The following TPTE2 variants were observed in gnomAD, a reference collection of about 807,000 sequenced individuals.
TPTE2 encodes the protein transmembrane phosphoinositide 3-phosphatase and tensin homolog 2.
Under a neutral mutation model 78.6 loss-of-function variants are expected in TPTE2, and 53 were observed. The observed-to-expected ratio is 0.67, with a 90% CI of 0.54 to 0.85. The LOEUF (loss-of-function observed/expected upper bound fraction) is 0.85, where lower values mean the gene tolerates loss of function less well. Ranked by LOEUF, TPTE2 falls within the 40% of genes least tolerant of loss-of-function variation. The probability of loss-of-function intolerance (pLI) is 0.00; values close to 1 mark genes in which losing one functional copy is unlikely to be tolerated. For missense variants in TPTE2, 461 were observed against 623.0 expected (o/e 0.74, Z 2.77); for synonymous variants, 175 against 206.2 (o/e 0.85, Z 1.30).
chr13:19,522,858 C>T (rs1870254814), intron 1 of TPTE2, among the ~76,000 whole-genome samples: 1 of 151,942 alleles, frequency 6.6e-6, no homozygotes, highest in Non-Finnish European at 1.5e-5. Context: ...GATCTCCTGA[C>T]CTCATGATCC....
At chr13:19,438,058 T>A in intron 14 of TPTE2, 34 bp downstream of exon 17, 2 of 1,597,500 alleles carry the variant, frequency 1.3e-6, no homozygotes, top group Non-Finnish European at 1.7e-6. Flanking sequence ...AACTCAATCA[T>A]CATAAGAGAA....
chr13:19,527,666 A>G (rs544336137), intron 1 of TPTE2, among the ~76,000 whole-genome samples: 6 of 152,056 alleles, frequency 3.9e-5, no homozygotes, highest in South Asian at 2.1e-4. Flanking sequence ...CTTGAGCTCA[A>G]GAGTTCCAGA....
At chr13:19,555,884 C>G in the TPTE2 span, among the ~76,000 whole-genome samples, 1 of 138,532 alleles carries the variant, frequency 7.2e-6, no homozygotes, top group Non-Finnish European at 1.5e-5. Flanking sequence ...GCAATTTTGG[C>G]TCACTGCAAC....
chr13:19,497,198 T>A lies in TPTE2; in HGVS notation c.12-3697A>T, dbSNP rs1225134566. Among the ~76,000 whole-genome samples, 46 of 150,274 alleles carry A rather than the reference T, an allele frequency of 3.1e-4. 1 individual carries two copies. The South Asian group carries it at 4.1e-3, about 13-fold the overall frequency. Reference sequence around the variant, plus strand: ...CTAGCACAGCAGTCTGAGATCAAACTGCAAGGCGGCAGCGAGGCTGGGGGA... The same window carrying A: ...CTAGCACAGCAGTCTGAGATCAAACAGCAAGGCGGCAGCGAGGCTGGGGGA... On this transcript the variant is annotated intron_variant, in intron 1 of 19. Transcript: ENST00000400230.
intron 1 of TPTE2, among the ~76,000 whole-genome samples, chr13:19,528,412 T>C (rs922994545): frequency 3.3e-5 from 5 of 151,928 alleles, no homozygotes; most frequent in African/African-American, 1.2e-4. Flanking sequence ...CCTATTTATA[T>C]ACTTATTTAC....
At chr13:19,459,114 T>C (rs1878726218) in intron 10 of TPTE2, among the ~76,000 whole-genome samples, 1 of 152,198 alleles carries the variant, frequency 6.6e-6, no homozygotes, top group African/African-American at 2.4e-5. Flanking sequence ...ATAGCCATTC[T>C]GACTGGCATG....
At chr13:19,547,783 G>C in the TPTE2 span, among the ~76,000 whole-genome samples, 16 of 141,970 alleles carry the variant, frequency 1.1e-4, no homozygotes, top group Non-Finnish European at 2.4e-4. Context: ...TCCCATACAA[G>C]TCAAATAAAA....
chr13:19,500,937 A>C, intron 1 of TPTE2, among the ~76,000 whole-genome samples: 1 of 144,428 alleles, frequency 6.9e-6, no homozygotes, highest in Non-Finnish European at 1.5e-5. Flanking sequence ...TAAGCTGATA[A>C]GCAACTTCAG....
intron 3 of TPTE2, among the ~76,000 whole-genome samples, chr13:19,491,958 A>G (rs1373153769): frequency 6.6e-6 from 1 of 152,222 alleles, no homozygotes; most frequent in African/African-American, 2.4e-5. Context: ...CTATTGCTTA[A>G]TGAGCAACTA....
At chr13:19,478,175 T>A (rs1336800161) in intron 4 of TPTE2, among the ~76,000 whole-genome samples, 1 of 152,108 alleles carries the variant, frequency 6.6e-6, no homozygotes, top group Non-Finnish European at 1.5e-5. Context: ...CTAATTAAAC[T>A]AAAGAGCTTC....
At chr13:19,526,403 C>G (rs1870500715) in intron 1 of TPTE2, among the ~76,000 whole-genome samples, 1 of 152,054 alleles carries the variant, frequency 6.6e-6, no homozygotes, top group Non-Finnish European at 1.5e-5. Flanking sequence ...GCCTAAAAGC[C>G]TAAAAGCCTG....
intron 13 of TPTE2, among the ~76,000 whole-genome samples, chr13:19,446,762 G>A (rs1301554405): frequency 2.0e-5 from 3 of 152,228 alleles, no homozygotes; most frequent in Admixed American, 1.3e-4. Flanking sequence ...GCAACACAGT[G>A]AGACCCTGTC....
chr13:19,479,751 C>T (rs1284199637), intron 4 of TPTE2, among the ~76,000 whole-genome samples: 1 of 152,064 alleles, frequency 6.6e-6, no homozygotes. Context: ...ATCATGAGGT[C>T]AAGAGATTGA....
At chr13:19,492,603 G>A (rs1480929683) in intron 3 of TPTE2, among the ~76,000 whole-genome samples, 1 of 152,148 alleles carries the variant, frequency 6.6e-6, no homozygotes, top group Non-Finnish European at 1.5e-5. Flanking sequence ...GCTACAATGA[G>A]AAGAATTGGA....
intron 1 of TPTE2, among the ~76,000 whole-genome samples, chr13:19,517,506 C>A (rs1404492885): frequency 6.6e-6 from 1 of 152,134 alleles, no homozygotes; most frequent in East Asian, 1.9e-4. Flanking sequence ...AGCAAACTTT[C>A]CTGTCTATGG....
intron 13 of TPTE2, among the ~76,000 whole-genome samples, chr13:19,445,791 A>C (rs1179946702): frequency 6.6e-6 from 1 of 152,216 alleles, no homozygotes; most frequent in Non-Finnish European, 1.5e-5. Context: ...AAAATACAAA[A>C]GTAGCTGGGT....
chr13:19,531,153 T>C (rs1241029778), intron 1 of TPTE2, among the ~76,000 whole-genome samples: 1 of 152,240 alleles, frequency 6.6e-6, no homozygotes, highest in African/African-American at 2.4e-5. Context: ...TCAAGGTTCA[T>C]CTGTGTTGTA....
At chr13:19,452,986 ATTTATTTTAT>A (rs201604917) in intron 10 of TPTE2, among the ~76,000 whole-genome samples, 33 of 19,952 alleles carry the variant, frequency 1.7e-3, no homozygotes, top group African/African-American at 2.1e-3. Flanking sequence ...ATTTTATTTT[ATTTATTTTAT>A]TTTATTTTAT....
chr13:19,472,243 C>T (rs1879664614), intron 6 of TPTE2, among the ~76,000 whole-genome samples: 2 of 152,092 alleles, frequency 1.3e-5, no homozygotes, highest in African/African-American at 2.4e-5. Flanking sequence ...GTTACTATCC[C>T]TTTGAATAAA....
Sources: allele counts gnomAD v4.1 joint callset (sites outside exome capture counted in the v4.1 genomes callset), GRCh38; gene constraint gnomAD v4.1.1; transcripts MANE v1.5; gene names NCBI Gene and HGNC (gene_info 2026-07-23, HGNC 2026-07-21).